STK3: variants seen among roughly 807,000 people sequenced by gnomAD.
The protein encoded by STK3 is serine/threonine-protein kinase 3.
Under a neutral mutation model 58.0 loss-of-function variants are expected in STK3, and 41 were observed. The ratio of observed to expected loss-of-function variants is 0.71; its 90% confidence interval spans 0.55 to 0.92. STK3 has a LOEUF of 0.92. STK3 is among the 40% of genes least tolerant of loss of function. STK3 has a pLI of 0.00. For missense variants in STK3, 479 were observed against 602.7 expected (o/e 0.79, Z 2.15); for synonymous variants, 170 against 191.0 (o/e 0.89, Z 0.91).
chr8:98,359,364 A>C, the STK3 span, among the ~76,000 whole-genome samples: 1 of 149,850 alleles, frequency 6.7e-6, no homozygotes, highest in South Asian at 2.1e-4. Context: ...AAAAAAAAAA[A>C]AAAAAAAAAT....
At chr8:98,890,448 A>G (rs1484476319) in intron 1 of STK3, among the ~76,000 whole-genome samples, 1 of 152,170 alleles carries the variant, frequency 6.6e-6, no homozygotes, top group Non-Finnish European at 1.5e-5. Context: ...AGACCCATTT[A>G]TTTACTTTTT....
At chr8:98,767,134 A>T (rs1831001396) in intron 3 of STK3, 109 bp downstream of exon 3, 5 of 1,314,036 alleles carry the variant, frequency 3.8e-6, no homozygotes. Flanking sequence ...AAAAAAGAAA[A>T]GAAAAAGAAA....
intron 1 of STK3, among the ~76,000 whole-genome samples, chr8:98,383,280 G>A (rs547535542): frequency 5.9e-5 from 9 of 152,224 alleles, no homozygotes; most frequent in Admixed American, 4.6e-4. Context: ...GCCCAAAGTC[G>A]CCAGTAGGTG....
At chr8:98,686,426 A>G (rs1432021876) in intron 6 of STK3, among the ~76,000 whole-genome samples, 1 of 152,212 alleles carries the variant, frequency 6.6e-6, no homozygotes, top group African/African-American at 2.4e-5. Flanking sequence ...TAATGATTAA[A>G]TTTAGTATTG....
chr8:98,792,097 CACAA>C (rs998720557), intron 1 of STK3, among the ~76,000 whole-genome samples: 3 of 152,096 alleles, frequency 2.0e-5, no homozygotes, highest in African/African-American at 7.2e-5. Flanking sequence ...CTAAAACAAA[CACAA>C]ACAAATTAAG....
intron 6 of STK3, among the ~76,000 whole-genome samples, chr8:98,608,996 A>G (rs1346718973): frequency 6.6e-6 from 1 of 152,222 alleles, no homozygotes; most frequent in South Asian, 2.1e-4. Context: ...ACAGTTCTAT[A>G]TTTATTACAT....
At chr8:98,942,508 G>A (rs555279075) in exon 1 of STK3, 1 of 152,418 alleles carries the variant, frequency 6.6e-6, no homozygotes, top group South Asian at 2.1e-4. Context: ...TTTGCGGAAA[G>A]AGGGAGCAGC....
At chr8:98,888,100 C>T (rs765604540) in intron 1 of STK3, among the ~76,000 whole-genome samples, 2 of 152,140 alleles carry the variant, frequency 1.3e-5, no homozygotes, top group Non-Finnish European at 1.5e-5. Flanking sequence ...GAGTGAATCA[C>T]TTGAGGTCAG....
intron 1 of STK3, among the ~76,000 whole-genome samples, chr8:98,817,906 T>C (rs1304827274): frequency 6.6e-6 from 1 of 151,430 alleles, no homozygotes; most frequent in African/African-American, 2.5e-5. Flanking sequence ...AAACCTTTAA[T>C]GACAGCACAC....
chr8:98,706,308 G>A (rs1370392876), intron 6 of STK3, among the ~76,000 whole-genome samples, 159 bp downstream of exon 6: 1 of 152,138 alleles, frequency 6.6e-6, no homozygotes, highest in Non-Finnish European at 1.5e-5. Context: ...GCAGAAGGAA[G>A]AGAAGTTAAC....
Position 98,579,757 on chromosome 8 carries a change from T to C in STK3, c.855A>G (p.Ser285=), listed in dbSNP as rs1813709780. The C allele has an allele frequency of 1.3e-6, 2 of 1,596,894 alleles. No homozygotes were observed. Among genetic ancestry groups the C allele is most frequent in the East Asian group, 2.3e-5 (1 of 43,768 alleles). ...HPFIKNAKPV[S]ILRDLITEAM... ...CTTCTGTGATCAGGTCTCTTAATAT[T>C]GATACAGGTTTGGCATTCTTGATAA... Residue 285 remains serine, a synonymous_variant, in exon 8 of 11, where the codon TCA becomes TCG. Coordinates refer to ENST00000419617, the MANE Select transcript of STK3 (RefSeq NM_006281.4).
chr8:98,397,621 G>C (rs148376343), downstream of STK3, among the ~76,000 whole-genome samples: 257 of 152,296 alleles, frequency 1.7e-3, 1 homozygote, highest in African/African-American at 5.9e-3. Flanking sequence ...TCCAGCCTCA[G>C]AAACTGCTTC....
At chr8:98,778,187 AAAAC>A (rs1342727917) in intron 1 of STK3, among the ~76,000 whole-genome samples, 8 of 152,210 alleles carry the variant, frequency 5.3e-5, no homozygotes, top group South Asian at 4.1e-4. Context: ...TTACAAGAAA[AAAAC>A]AAACAACCCC....
chr8:98,493,232 C>CAAA (rs58987455), intron 10 of STK3, among the ~76,000 whole-genome samples: 1 of 120,242 alleles, frequency 8.3e-6, no homozygotes. Context: ...GACCCTGTCT[C>CAAA]AAAAAAAAAA....
downstream of STK3, among the ~76,000 whole-genome samples, chr8:98,452,902 A>G (rs1819260250): frequency 6.7e-6 from 1 of 149,702 alleles, no homozygotes; most frequent in South Asian, 2.1e-4. Context: ...CTGGGATTAC[A>G]GGCGCCTGCT....
At chr8:98,914,437 T>C (rs530627355) in intron 1 of STK3, among the ~76,000 whole-genome samples, 1 of 150,458 alleles carries the variant, frequency 6.6e-6, no homozygotes, top group Non-Finnish European at 1.5e-5. Flanking sequence ...ACCTGTAAGC[T>C]ACACTTGTGT....
Position 98,428,109 on chromosome 8 carries a change from G to A in STK3, n.483+6018C>T. ...GCTGCGCTTCCCCGAGACGCGCCTG[G>A]GCCGCTTGCTGCTCTGCCACTCGCG... On this transcript the variant is annotated intron_variant and non_coding_transcript_variant, in intron 3 of 3. Transcript: ENST00000517832. The surrounding 1 kb of genome is among the most constrained non-coding windows in gnomAD (Gnocchi z 6.7). The A allele has an allele frequency of 6.2e-7, 1 of 1,613,926 alleles. No homozygotes were observed. Among genetic ancestry groups the A allele is most frequent in the Non-Finnish European group, 8.5e-7 (1 of 1,180,020 alleles).
chr8:98,409,777 C>G (rs1319788735), intron 3 of STK3, among the ~76,000 whole-genome samples: 3 of 152,220 alleles, frequency 2.0e-5, no homozygotes, highest in African/African-American at 7.2e-5. Flanking sequence ...CTGACTCATG[C>G]CCAGCTGTCT....
At chr8:98,782,369 T>C in intron 1 of STK3, 1 of 203,978 alleles carries the variant, frequency 4.9e-6, no homozygotes. Context: ...AAAGATACTG[T>C]GAATCTAAAA....
Sources: allele counts gnomAD v4.1 joint callset (sites outside exome capture counted in the v4.1 genomes callset), GRCh38; gene constraint gnomAD v4.1.1; non-coding constraint Gnocchi (gnomAD v3.1); transcripts MANE v1.5; gene names NCBI Gene and HGNC (gene_info 2026-07-23, HGNC 2026-07-21).